The following SYNCRIP variants were observed in gnomAD, a reference collection of about 807,000 sequenced individuals.
SYNCRIP encodes synaptotagmin binding cytoplasmic RNA interacting protein.
In SYNCRIP, 9 loss-of-function variants were observed where a neutral mutation model predicts 68.9. That is an observed-to-expected ratio of 0.13 (90% confidence interval 0.08 to 0.23). SYNCRIP has a LOEUF of 0.23. Ranked by LOEUF, SYNCRIP falls within the 10% of genes least tolerant of loss-of-function variation. The probability of loss-of-function intolerance (pLI) is 1.00; values close to 1 mark genes in which losing one functional copy is unlikely to be tolerated. For missense variants in SYNCRIP, 414 were observed against 770.6 expected, an observed-to-expected ratio of 0.54 and a Z score of 5.48; for synonymous variants, 258 against 254.0, an observed-to-expected ratio of 1.02 and a Z score of -0.15.
chr6:85,618,656 T>TAA (rs1806058882), intron 10 of SYNCRIP, among the ~76,000 whole-genome samples, 162 bp downstream of exon 10: 1 of 152,354 alleles, frequency 6.6e-6, no homozygotes, highest in South Asian at 2.1e-4. Context: ...AAGAGTTCAA[T>TAA]AAACACTTAG....
chr6:85,620,017 C>T (rs551715376), intron 8 of SYNCRIP, among the ~76,000 whole-genome samples: 3 of 152,108 alleles, frequency 2.0e-5, no homozygotes, highest in Admixed American at 6.5e-5. Flanking sequence ...GAGGCTGAGG[C>T]GGGCAGATCA....
chr6:85,618,776 A>G (rs1486635504), intron 10 of SYNCRIP, 42 bp downstream of exon 10: 4 of 1,482,948 alleles, frequency 2.7e-6, no homozygotes, highest in Non-Finnish European at 3.7e-6. Context: ...GTGTATAAAT[A>G]TTAAAATTTA....
intron 6 of SYNCRIP, among the ~76,000 whole-genome samples, chr6:85,630,795 A>C (rs953581154): frequency 2.6e-5 from 4 of 152,234 alleles, no homozygotes; most frequent in Non-Finnish European, 5.9e-5. Context: ...GCACAGTTCT[A>C]AATGTTAGGG....
At chr6:85,639,695 T>C (rs1324824657) in intron 4 of SYNCRIP, among the ~76,000 whole-genome samples, 2 of 152,312 alleles carry the variant, frequency 1.3e-5, no homozygotes, top group Non-Finnish European at 1.5e-5. Context: ...CCATTCACCA[T>C]GATTTTAAAC....
chr6:85,613,000 A>G, downstream of SYNCRIP: 1 of 1,494,854 alleles, frequency 6.7e-7, no homozygotes, highest in Non-Finnish European at 9.0e-7. Context: ...TGATAACATT[A>G]AAAAGACAAG....
chr6:85,624,794 A>T lies in SYNCRIP; in HGVS notation c.667-682T>A, dbSNP rs557367136. 4.6e-5 allele frequency among the ~76,000 whole-genome samples: 7 copies of T among 152,352 alleles called. No individual in the cohort carries two copies. In the South Asian group the frequency reaches 1.4e-3, roughly 32 times the overall value. ...AACATGTCAAAGTGACAAATCCACC[A>T]ATTAGTATTATTTACAAACCCAAGT... is the stretch of plus-strand genomic sequence containing the variant. On this transcript the variant is annotated intron_variant, in intron 6 of 10. Transcript: ENST00000369622.
At position 85,618,379 on chromosome 6, in the gene SYNCRIP, A is replaced by G. The variant is rs11751858; in HGVS notation, c.1280+439T>C. On this transcript the variant is annotated intron_variant, in intron 10 of 10. Transcript: ENST00000369622. ...AACATGACGAAACCCCACCCCTACT[A>G]AAAAAAAAAACACAAAAATTACCAG... Among the ~76,000 whole-genome samples the G allele has an allele frequency of 1.5e-3, 210 of 143,864 alleles. 1 individual carries two copies. The highest frequency in any genetic ancestry group is 2.1e-3 in the Non-Finnish European group (136 of 64,988). 94.4% of individuals were successfully genotyped at this position (143,864 alleles called of 152,430 possible).
At chr6:85,636,339 G>A (rs947032045) in intron 6 of SYNCRIP, among the ~76,000 whole-genome samples, 1 of 151,838 alleles carries the variant, frequency 6.6e-6, no homozygotes, top group Non-Finnish European at 1.5e-5. Context: ...CTAGCTACTC[G>A]GGAGGCTGAG....
downstream of SYNCRIP, chr6:85,611,725 G>A (rs1474347517): frequency 2.0e-5 from 3 of 152,410 alleles, no homozygotes; most frequent in East Asian, 1.9e-4. Context: ...TACTCTACAA[G>A]TTATCATGAC....
At chr6:85,612,993 T>C (rs1482914438), downstream of SYNCRIP, 7 of 1,501,932 alleles carry the variant, frequency 4.7e-6, no homozygotes, top group Admixed American at 1.5e-4. Context: ...TACATAATGA[T>C]AACATTAAAA....
intron 6 of SYNCRIP, among the ~76,000 whole-genome samples, chr6:85,628,533 C>T (rs1325124266): frequency 5.9e-5 from 9 of 152,168 alleles, no homozygotes; most frequent in Non-Finnish European, 8.8e-5. Context: ...AACTAAAGTA[C>T]CTCCAAGAAA....
chr6:85,642,678 T>A (rs1201690183), intron 1 of SYNCRIP, 119 bp downstream of exon 1: 1 of 153,036 alleles, frequency 6.5e-6, no homozygotes, highest in East Asian at 1.9e-4. Context: ...CAACGTGCTC[T>A]TCTCCCCATT....
At chr6:85,610,193 A>G (rs1012622947), downstream of SYNCRIP, 2 of 151,942 alleles carry the variant, frequency 1.3e-5, no homozygotes, top group Non-Finnish European at 2.9e-5. Context: ...TTCTTCTCAG[A>G]ACGTTAATTG....
chr6:85,619,076 A>G, intron 9 of SYNCRIP, 137 bp from the exon 10 acceptor site: 12 of 1,163,582 alleles, frequency 1.0e-5, no homozygotes, highest in Non-Finnish European at 1.2e-5. Flanking sequence ...AATTTTATTT[A>G]AAGATGCAGA....
downstream of SYNCRIP, chr6:85,609,187 G>T (rs1035260777): frequency 6.6e-6 from 1 of 151,826 alleles, no homozygotes; most frequent in African/African-American, 2.4e-5. Context: ...TAAGTTTGAC[G>T]AACTTGAGAA....
Position 85,615,168 on chromosome 6 carries a change from C to T in SYNCRIP, c.1460G>A (p.Gly487Asp), listed in dbSNP as rs768637701. The change falls in exon 11 of 11, where the codon GGT becomes GAT. Residue 487 changes from glycine to aspartate, a missense_variant. By Grantham distance (94) the Gly-to-Asp change is moderately conservative. Coordinates refer to ENST00000369622, the MANE Select transcript of SYNCRIP (RefSeq NM_006372.5). ...YRGGYEDPYY[G>D]YEDFQVGARG... ...AGCTCCAACTTGAAAATCTTCATAA[C>T]CATAGTATGGATCTTCATATCCACC... 6.2e-7 allele frequency: 1 copy of T among 1,613,172 alleles called. No homozygotes were observed. Among genetic ancestry groups the T allele is most frequent in the South Asian group, 1.1e-5 (1 of 90,996 alleles).
chr6:85,621,457 A>T (rs558904834), intron 8 of SYNCRIP, among the ~76,000 whole-genome samples: 92 of 152,126 alleles, frequency 6.0e-4, no homozygotes, highest in Admixed American at 2.6e-3. Flanking sequence ...AAAATTTTTT[A>T]AAAAAATTAG....
chr6:85,637,167 A>C, intron 5 of SYNCRIP, 24 bp from the exon 6 acceptor site: 1 of 1,606,218 alleles, frequency 6.2e-7, no homozygotes, highest in Non-Finnish European at 8.5e-7. Context: ...ATTAAGTAAA[A>C]ACCATGGAGA....
At chr6:85,640,380 T>TA in intron 3 of SYNCRIP, 52 bp from the exon 4 acceptor site, 2 of 1,588,476 alleles carry the variant, frequency 1.3e-6, no homozygotes, top group Non-Finnish European at 1.7e-6. Context: ...CTGAGTCTAA[T>TA]AAAATTCAGC....
Sources: gnomAD v4.1 joint callset for allele counts (sites outside exome capture counted in the v4.1 genomes callset) on GRCh38, gnomAD v4.1.1 for gene constraint, MANE v1.5 for transcripts, NCBI Gene and HGNC (gene_info 2026-07-23, HGNC 2026-07-21) for gene names.